SNTG1: variants seen among roughly 807,000 people sequenced by gnomAD.
SNTG1 encodes syntrophin gamma 1, also known as gamma-1-syntrophin.
SNTG1 carries 39 observed loss-of-function variants against 74.7 expected under a neutral mutation model. The ratio of observed to expected loss-of-function variants is 0.52; its 90% CI spans 0.40 to 0.68. The LOEUF is 0.68. SNTG1 is among the 30% of genes least tolerant of loss of function. SNTG1 has a pLI of 0.00. For synonymous variants in SNTG1, 254 were observed against 217.1 expected (o/e 1.17, Z -1.49); for missense variants, 685 against 609.5 (o/e 1.12, Z -1.30).
At chr8:50,437,691 T>A (rs79292062) in intron 4 of SNTG1, among the ~76,000 whole-genome samples, 1 of 152,104 alleles carries the variant, frequency 6.6e-6, no homozygotes, top group Non-Finnish European at 1.5e-5. Context: ...TGATTCTGCA[T>A]AGGGGAATGT....
intron 2 of SNTG1, among the ~76,000 whole-genome samples, chr8:50,191,694 A>C (rs970168228): frequency 1.3e-5 from 2 of 152,064 alleles, no homozygotes; most frequent in Admixed American, 1.3e-4. Flanking sequence ...CCCTGCATGC[A>C]GTAGGTATTT....
intron 1 of SNTG1, among the ~76,000 whole-genome samples, chr8:50,013,483 ATAGATAG>A (rs1816018572): frequency 6.6e-6 from 1 of 151,738 alleles, no homozygotes; most frequent in Non-Finnish European, 1.5e-5. Flanking sequence ...AGATAGATAG[ATAGATAG>A]ATAGATAGAT....
intron 2 of SNTG1, among the ~76,000 whole-genome samples, chr8:50,210,828 G>A (rs1440091478): frequency 2.6e-5 from 4 of 152,130 alleles, no homozygotes; most frequent in African/African-American, 4.8e-5. Flanking sequence ...CATAATTCAT[G>A]TTATGATACT....
intron 2 of SNTG1, among the ~76,000 whole-genome samples, chr8:50,211,467 G>A (rs2084518374): frequency 6.6e-6 from 1 of 151,930 alleles, no homozygotes. Context: ...GTTCTTTAAT[G>A]CATTATCTTT....
At chr8:50,530,361 T>A in intron 10 of SNTG1, 102 bp downstream of exon 10, 1 of 1,100,182 alleles carries the variant, frequency 9.1e-7, no homozygotes. Context: ...AAATCCCTGG[T>A]TGCATAATCA....
chr8:49,943,766 T>A (rs1224076583), intron 1 of SNTG1, among the ~76,000 whole-genome samples: 1 of 152,242 alleles, frequency 6.6e-6, no homozygotes, highest in African/African-American at 2.4e-5. Flanking sequence ...AATGAGTCTT[T>A]CTTGGAAAAG....
intron 17 of SNTG1, among the ~76,000 whole-genome samples, chr8:50,719,325 G>C (rs1238610541): frequency 2.6e-5 from 4 of 152,032 alleles, no homozygotes; most frequent in Non-Finnish European, 5.9e-5. Context: ...AAGTTGAAGT[G>C]GTGCCCTAGT....
intron 2 of SNTG1, among the ~76,000 whole-genome samples, chr8:50,188,460 G>T (rs1453208396): frequency 6.6e-6 from 1 of 152,094 alleles, no homozygotes. Context: ...CAGACAGTAC[G>T]TGCACATCAT....
At chr8:50,001,110 A>C (rs539887007) in intron 1 of SNTG1, among the ~76,000 whole-genome samples, 1 of 152,324 alleles carries the variant, frequency 6.6e-6, no homozygotes, top group African/African-American at 2.4e-5. Flanking sequence ...TGCAGAAATG[A>C]CTGTGTGTTA....
At chr8:50,504,297 A>G (rs2093988382) in intron 9 of SNTG1, among the ~76,000 whole-genome samples, 1 of 152,222 alleles carries the variant, frequency 6.6e-6, no homozygotes, top group Admixed American at 6.5e-5. Flanking sequence ...ATAGTGCTGC[A>G]ATGAACATAC....
At chr8:50,417,161 A>G (rs1353195879) in intron 4 of SNTG1, among the ~76,000 whole-genome samples, 1 of 152,140 alleles carries the variant, frequency 6.6e-6, no homozygotes, top group Non-Finnish European at 1.5e-5. Context: ...CATGATATAC[A>G]CTTTTCTAAG....
Position 50,656,970 on chromosome 8 carries a change from C to A in SNTG1, c.911C>A (p.Ser304Tyr). Reference protein sequence around the residue: ...EQDPLQDRVYSPTFLALRGSC... With the variant: ...EQDPLQDRVYYPTFLALRGSC... The stretch of plus-strand genomic sequence containing the variant: ...GACCCCCTCCAGGACAGAGTGTACT[C>A]CCCGACCTTCCTGGCCCTGAGGGGC... Residue 304 changes from serine (S) to tyrosine (Y), a missense_variant, in exon 14 of 19, where the codon TCC (serine) becomes TAC (tyrosine). Physicochemically the swap from Ser to Tyr is moderately radical, Grantham distance 144. Coordinates refer to ENST00000642720, the MANE Select transcript of SNTG1 (RefSeq NM_018967.5). The A allele has an allele frequency of 6.3e-7, 1 of 1,596,956 alleles. No homozygotes were observed. The highest frequency in any genetic ancestry group is 2.3e-5 in the East Asian group (1 of 43,816).
chr8:50,418,897 T>C (rs529719086), intron 4 of SNTG1, among the ~76,000 whole-genome samples: 35 of 152,268 alleles, frequency 2.3e-4, no homozygotes, highest in African/African-American at 8.2e-4. Flanking sequence ...ATGTTAGCTT[T>C]CTGTCAAAAA....
intron 15 of SNTG1, among the ~76,000 whole-genome samples, chr8:50,667,848 T>C (rs186995289): frequency 1.1e-4 from 16 of 152,162 alleles, no homozygotes; most frequent in Middle Eastern, 3.4e-3. Context: ...TGTAACACTT[T>C]ATAATTAAAT....
chr8:50,457,630 A>G (rs982803456), intron 8 of SNTG1, among the ~76,000 whole-genome samples: 6 of 152,174 alleles, frequency 3.9e-5, no homozygotes, highest in African/African-American at 1.2e-4. Context: ...GGTTGTTGGT[A>G]ACTTTATTTA....
chr8:50,657,339 A>C (rs1585981423), intron 14 of SNTG1, among the ~76,000 whole-genome samples: 1 of 152,272 alleles, frequency 6.6e-6, no homozygotes, highest in South Asian at 2.1e-4. Flanking sequence ...TTTCAAGCAT[A>C]TGTCAGTGTA....
chr8:50,697,992 T>C (rs1352264983), intron 15 of SNTG1, among the ~76,000 whole-genome samples: 1 of 152,174 alleles, frequency 6.6e-6, no homozygotes, highest in Non-Finnish European at 1.5e-5. Context: ...TTTTGAAAAG[T>C]TTCAGGAGTA....
chr8:50,452,907 A>G (rs2093470076), intron 8 of SNTG1, among the ~76,000 whole-genome samples: 1 of 152,224 alleles, frequency 6.6e-6, no homozygotes, highest in South Asian at 2.1e-4. Flanking sequence ...AAAAAGGTAT[A>G]ACAAGCTGAG....
At chr8:50,373,447 C>A (rs911673814) in intron 2 of SNTG1, among the ~76,000 whole-genome samples, 4 of 152,060 alleles carry the variant, frequency 2.6e-5, no homozygotes, top group African/African-American at 9.7e-5. Context: ...TAAATTAATT[C>A]TTGGTGATGT....
Sources: gnomAD v4.1 joint callset for allele counts (sites outside exome capture counted in the v4.1 genomes callset) on GRCh38, gnomAD v4.1.1 for gene constraint, MANE v1.5 for transcripts, NCBI Gene and HGNC (gene_info 2026-07-23, HGNC 2026-07-21) for gene names.